RSPO2: variants seen among roughly 807,000 people sequenced by gnomAD.
The protein encoded by RSPO2 is R-spondin 2, also known as R-spondin-2.
In RSPO2, 14 loss-of-function variants were observed where a neutral mutation model predicts 30.9. That is an observed-to-expected ratio of 0.45 (90% confidence interval 0.30 to 0.71). The LOEUF is 0.71. Among genes scored for constraint, RSPO2 ranks in the 30% least tolerant of loss-of-function variants. The pLI is 0.08. For synonymous variants in RSPO2, 107 were observed against 96.4 expected, an observed-to-expected ratio of 1.11 and a Z score of -0.64; for missense variants, 264 against 301.9, an observed-to-expected ratio of 0.87 and a Z score of 0.93.
rs549508234 is a variant in RSPO2 at position 108,013,741 on chromosome 8, A to C, written c.95-24497T>G. Reference sequence around the variant, plus strand: ...ACTTAAATGTAAAACCCAAGACCATAAAAGCCCTAGAAGAAAACCTAGGCA... The same window carrying C: ...ACTTAAATGTAAAACCCAAGACCATCAAAGCCCTAGAAGAAAACCTAGGCA... On this transcript the variant is annotated intron_variant, in intron 2 of 5. Transcript: ENST00000276659. Among the ~76,000 whole-genome samples the C allele has an allele frequency of 1.2e-4, 19 of 152,336 alleles. No individual in the cohort carries two copies. The South Asian group carries it at 2.9e-3, about 23-fold the overall frequency.
chr8:107,939,679 A>G (rs1812831572), intron 5 of RSPO2, among the ~76,000 whole-genome samples: 1 of 152,018 alleles, frequency 6.6e-6, no homozygotes, highest in African/African-American at 2.4e-5. Flanking sequence ...ACTTGTATAG[A>G]ACCACAGGCA....
chr8:108,071,826 A>G (rs560519881), intron 2 of RSPO2, among the ~76,000 whole-genome samples: 2 of 152,148 alleles, frequency 1.3e-5, no homozygotes, highest in African/African-American at 2.4e-5. Context: ...TCTTCCACCT[A>G]CTAGAACTAC....
intron 3 of RSPO2, among the ~76,000 whole-genome samples, chr8:107,966,098 T>C (rs1184009214): frequency 6.6e-6 from 1 of 152,114 alleles, no homozygotes; most frequent in Non-Finnish European, 1.5e-5. Context: ...GGATGGTTAC[T>C]TGGGTTTAGA....
intron 2 of RSPO2, among the ~76,000 whole-genome samples, chr8:108,079,396 G>A (rs779863099): frequency 1.1e-4 from 16 of 152,022 alleles, no homozygotes; most frequent in Non-Finnish European, 1.8e-4. Flanking sequence ...CTTATTGTTC[G>A]TGATGATCTC....
intron 2 of RSPO2, among the ~76,000 whole-genome samples, chr8:108,058,161 T>C (rs185165346): frequency 1.9e-4 from 29 of 152,186 alleles, no homozygotes; most frequent in Admixed American, 5.9e-4. Context: ...ACCTAATATA[T>C]TGAGAGCTTT....
chr8:108,005,843 C>T (rs150727952), intron 2 of RSPO2, among the ~76,000 whole-genome samples: 375 of 152,168 alleles, frequency 2.5e-3, no homozygotes, highest in African/African-American at 8.7e-3. Flanking sequence ...ACAGCATGTA[C>T]ATAAACATAC....
At chr8:107,923,548 C>A (rs1812253366) in intron 5 of RSPO2, among the ~76,000 whole-genome samples, 1 of 152,104 alleles carries the variant, frequency 6.6e-6, no homozygotes, top group African/African-American at 2.4e-5. Context: ...ACCATTCAAC[C>A]CAGCAATCCC....
chr8:108,055,014 A>AG (rs2130687344), intron 2 of RSPO2, among the ~76,000 whole-genome samples: 1 of 152,206 alleles, frequency 6.6e-6, no homozygotes, highest in African/African-American at 2.4e-5. Flanking sequence ...CCAGCTACTC[A>AG]GGGGGCTGAG....
At chr8:107,915,287 T>C (rs1811944927) in intron 5 of RSPO2, among the ~76,000 whole-genome samples, 1 of 152,098 alleles carries the variant, frequency 6.6e-6, no homozygotes, top group African/African-American at 2.4e-5. Context: ...TGTAGCCATA[T>C]TAAAGGGAAT....
intron 5 of RSPO2, among the ~76,000 whole-genome samples, chr8:107,928,405 C>T (rs1194844836): frequency 6.6e-6 from 1 of 152,172 alleles, no homozygotes; most frequent in Non-Finnish European, 1.5e-5. Flanking sequence ...AAACAAAAGA[C>T]TAAAAATTTA....
chr8:108,045,256 A>G (rs1811877086), intron 2 of RSPO2, among the ~76,000 whole-genome samples: 1 of 152,162 alleles, frequency 6.6e-6, no homozygotes, highest in Non-Finnish European at 1.5e-5. Flanking sequence ...TCCATTAAAA[A>G]ATGGGCAAAG....
chr8:108,051,176 A>C (rs905859855), intron 2 of RSPO2, among the ~76,000 whole-genome samples: 29 of 152,192 alleles, frequency 1.9e-4, no homozygotes, highest in Admixed American at 6.6e-5. Context: ...ATTGTAAGGG[A>C]GGGAATAAAA....
At chr8:108,081,400 T>G (rs1813190870) in intron 2 of RSPO2, among the ~76,000 whole-genome samples, 1 of 152,180 alleles carries the variant, frequency 6.6e-6, no homozygotes, top group African/African-American at 2.4e-5. Flanking sequence ...GATGTTTACA[T>G]CTTGGAGAAA....
intron 2 of RSPO2, among the ~76,000 whole-genome samples, chr8:108,080,679 C>T (rs1228469938): frequency 6.6e-6 from 1 of 152,192 alleles, no homozygotes; most frequent in Non-Finnish European, 1.5e-5. Flanking sequence ...TCTACTAAAA[C>T]AATATGCTTG....
At chr8:108,003,251 ATGTGTG>A (rs1171593916) in intron 2 of RSPO2, among the ~76,000 whole-genome samples, 86 of 22,740 alleles carry the variant, frequency 3.8e-3, no homozygotes, top group African/African-American at 0.016. Context: ...GTATGTATGT[ATGTGTG>A]TGTGTGTGTG....
chr8:107,959,155 G>A (rs941737397), intron 4 of RSPO2, among the ~76,000 whole-genome samples: 2 of 152,198 alleles, frequency 1.3e-5, no homozygotes, highest in African/African-American at 2.4e-5. Flanking sequence ...AGCACTTGGT[G>A]AAAAAGATGG....
intron 4 of RSPO2, among the ~76,000 whole-genome samples, chr8:107,959,767 C>T (rs530523674): frequency 6.6e-6 from 1 of 152,264 alleles, no homozygotes; most frequent in East Asian, 1.9e-4. Context: ...TTAACTCACA[C>T]ATAAGTAGAA....
chr8:107,987,767 G>C (rs1029742375), intron 3 of RSPO2, among the ~76,000 whole-genome samples: 6 of 152,040 alleles, frequency 3.9e-5, no homozygotes, highest in African/African-American at 1.4e-4. Context: ...CACTAGTTCT[G>C]CCACCTTCCA....
At chr8:108,057,721 T>C (rs998148998) in intron 2 of RSPO2, among the ~76,000 whole-genome samples, 4 of 152,226 alleles carry the variant, frequency 2.6e-5, no homozygotes, top group African/African-American at 4.8e-5. Flanking sequence ...ATCTTTTCAT[T>C]TGTAAAAGCT....
Sources: gnomAD v4.1 joint callset for allele counts (sites outside exome capture counted in the v4.1 genomes callset) on GRCh38, gnomAD v4.1.1 for gene constraint, MANE v1.5 for transcripts, NCBI Gene and HGNC (gene_info 2026-07-23, HGNC 2026-07-21) for gene names.